PRMT8: variants seen among roughly 807,000 people sequenced by gnomAD.
PRMT8 encodes the protein protein arginine methyltransferase 8, also known as protein arginine N-methyltransferase 8.
Under a neutral mutation model 47.1 loss-of-function variants are expected in PRMT8, and 7 were observed. The observed-to-expected ratio is 0.15, with a 90% CI of 0.08 to 0.28. The LOEUF (loss-of-function observed/expected upper bound fraction) is 0.28. Ranked by LOEUF, PRMT8 falls within the 10% of genes least tolerant of loss-of-function variation. PRMT8 has a pLI of 1.00. For synonymous variants in PRMT8, 188 were observed against 186.5 expected (o/e 1.01, Z -0.07); for missense variants, 237 against 505.4 (o/e 0.47, Z 5.09).
intron 4 of PRMT8, 78 bp downstream of exon 4, chr12:3,553,792 G>A (rs79787813): frequency 2.5e-5 from 34 of 1,356,218 alleles, no homozygotes; most frequent in African/African-American, 7.2e-5. Flanking sequence ...ATGGCATAGC[G>A]GGAGGAGCGC....
chr12:3,499,070 T>C (rs193103551), intron 1 of PRMT8, among the ~76,000 whole-genome samples: 28 of 152,274 alleles, frequency 1.8e-4, no homozygotes, highest in East Asian at 1.7e-3. Flanking sequence ...CGTCTTCTTA[T>C]AAGGACAACA....
rs1830826358 is a variant in PRMT8, at chr12:3,456,795, T to G, written c.48+75353T>G. ...CTAAGATTGAACAAGAAAAAAAAAATGTCACCAAACAAAGAGAATCGAACC... is the reference window on the plus strand; with the variant it reads ...CTAAGATTGAACAAGAAAAAAAAAAGGTCACCAAACAAAGAGAATCGAACC... On this transcript the variant is annotated intron_variant, in intron 1 of 9. Coordinates refer to the PRMT8 transcript ENST00000452611. This position sits in a 1 kb window ranked among gnomAD's most constrained non-coding sequence, Gnocchi z 4.2. Among the ~76,000 whole-genome samples, 1 of 151,284 alleles carries G rather than the reference T, an allele frequency of 6.6e-6. No homozygotes were observed. Among genetic ancestry groups the G allele is most frequent in the South Asian group, 2.1e-4 (1 of 4,798 alleles).
At chr12:3,422,247 C>G (rs1271818098) in intron 1 of PRMT8, among the ~76,000 whole-genome samples, 1 of 152,214 alleles carries the variant, frequency 6.6e-6, no homozygotes, top group Non-Finnish European at 1.5e-5. Context: ...CTCCACCTGC[C>G]AACCTTCGTG....
intron 4 of PRMT8, among the ~76,000 whole-genome samples, chr12:3,568,037 A>G (rs1394458103): frequency 1.3e-5 from 2 of 150,744 alleles, no homozygotes; most frequent in Admixed American, 1.3e-4. Flanking sequence ...ACGCCACTGC[A>G]CTCCAGCCTG....
At chr12:3,589,060 C>T (rs1867241775) in intron 8 of PRMT8, among the ~76,000 whole-genome samples, 2 of 152,170 alleles carry the variant, frequency 1.3e-5, no homozygotes, top group African/African-American at 2.4e-5. Flanking sequence ...AGTTGATGGA[C>T]TAATAAAATC....
In PRMT8 at chr12:3,569,871, G is replaced by T. The variant is rs1866814231; in HGVS notation, c.712+307G>T. Among the ~76,000 whole-genome samples, 1 of 152,340 alleles carries T rather than the reference G, an allele frequency of 6.6e-6. No homozygotes were observed. The highest frequency in any genetic ancestry group is 2.1e-4 in the South Asian group (1 of 4,826). On this transcript the variant is annotated intron_variant, in intron 6 of 9. Transcript: ENST00000382622. The surrounding 1 kb of genome is among the most constrained non-coding windows in gnomAD (Gnocchi z 8.2). ...AGAAGCTGAGTTTTTGCAGAGATCA[G>T]CAGGGCAAGTGGCTTGAAACCTGTC...
At position 3,593,036 on chromosome 12, in the gene PRMT8, A is replaced by T; in HGVS notation, c.1102-63A>T. 7.7e-7 allele frequency: 1 copy of T among 1,302,526 alleles called. No individual in the cohort carries two copies. Among genetic ancestry groups the T allele is most frequent in the Non-Finnish European group, 1.1e-6 (1 of 900,900 alleles). The allele number at this position is 1,302,526 out of a possible 1,614,324, so 80.7% of individuals were successfully genotyped here. ...GTTCCAGGAGCAGGTGGTGCCAGAG[A>T]GTGGGGCTGTGGCTTCATACCCAGA... On this transcript the variant is annotated intron_variant, in intron 9 of 9. Coordinates refer to ENST00000382622, the MANE Select transcript of PRMT8 (RefSeq NM_019854.5). This position sits in a 1 kb window ranked among gnomAD's most constrained non-coding sequence, Gnocchi z 4.8.
chr12:3,555,538 C>A (rs10774156), intron 4 of PRMT8, among the ~76,000 whole-genome samples: 42,171 of 152,056 alleles, frequency 0.28, 6,065 homozygotes, highest in East Asian at 0.46. Context: ...GGATTTGTAA[C>A]CAGGAAAACA....
rs73252588 is a variant in PRMT8, at chr12:3,386,168, A to G, written c.48+4726A>G. On this transcript the variant is annotated intron_variant, in intron 1 of 9. Transcript: ENST00000452611. ...ATGGGACCCTCTTGTCCATGGCGAT[A>G]TCTTACTGTCTTTGTGTCTTTGGGC... is the stretch of plus-strand genomic sequence containing the variant. Among the ~76,000 whole-genome samples, 706 of 152,346 alleles carry G rather than the reference A, an allele frequency of 4.6e-3. 1 individual carries two copies. Among genetic ancestry groups the G allele is most frequent in the African/African-American group, 0.016 (659 of 41,580 alleles).
At chr12:3,553,429 A>G (rs2137181170) in intron 3 of PRMT8, 3 of 600,172 alleles carry the variant, frequency 5.0e-6, no homozygotes, top group Non-Finnish European at 8.9e-6. Flanking sequence ...GGTGGTGACT[A>G]GACATCAGTC....
chr12:3,575,207 A>G (rs1448544021), intron 6 of PRMT8, among the ~76,000 whole-genome samples: 1 of 152,194 alleles, frequency 6.6e-6, no homozygotes, highest in Admixed American at 6.5e-5. Context: ...CTTATAAAAG[A>G]ATCAGAGTCA....
chr12:3,452,544 TG>T (rs1040779327), intron 1 of PRMT8, among the ~76,000 whole-genome samples: 2 of 152,212 alleles, frequency 1.3e-5, no homozygotes, highest in African/African-American at 4.8e-5. Flanking sequence ...GGGCAGAACC[TG>T]GGTTAGGTGG....
intron 7 of PRMT8, among the ~76,000 whole-genome samples, chr12:3,582,633 G>A (rs2137228101): frequency 6.6e-6 from 1 of 152,230 alleles, no homozygotes; most frequent in African/African-American, 2.4e-5. Flanking sequence ...TTGCCCCCAG[G>A]TACTGTTGAT....
At chr12:3,386,211 T>G (rs1326613655) in intron 1 of PRMT8, among the ~76,000 whole-genome samples, 1 of 152,238 alleles carries the variant, frequency 6.6e-6, no homozygotes, top group Non-Finnish European at 1.5e-5. Context: ...TCCTGCAGCA[T>G]GGTGTATGCT....
intron 1 of PRMT8, among the ~76,000 whole-genome samples, chr12:3,460,249 C>T (rs762935201): frequency 1.3e-5 from 2 of 152,202 alleles, no homozygotes; most frequent in Non-Finnish European, 2.9e-5. Context: ...ACCACAGGCC[C>T]CCAGCAATCT....
intron 1 of PRMT8, among the ~76,000 whole-genome samples, chr12:3,406,819 C>G (rs1182355618): frequency 6.6e-6 from 1 of 152,210 alleles, no homozygotes; most frequent in Admixed American, 6.5e-5. Flanking sequence ...TCCAAACTTT[C>G]CCACATTTTC....
intron 1 of PRMT8, among the ~76,000 whole-genome samples, chr12:3,399,639 C>A (rs2137050233): frequency 6.6e-6 from 1 of 152,276 alleles, no homozygotes; most frequent in African/African-American, 2.4e-5. Flanking sequence ...ATTGTGCTCT[C>A]CCTCACAGTG....
At chr12:3,403,052 C>T (rs934698989) in intron 1 of PRMT8, among the ~76,000 whole-genome samples, 3 of 152,102 alleles carry the variant, frequency 2.0e-5, no homozygotes, top group African/African-American at 7.2e-5. Context: ...CTAAAAGTGA[C>T]ATGGAATCCA....
intron 6 of PRMT8, chr12:3,574,176 T>TG (rs1866898489): frequency 6.6e-6 from 1 of 152,206 alleles, no homozygotes; most frequent in Non-Finnish European, 1.5e-5. Flanking sequence ...GCCTATTCTG[T>TG]GCTAAATGCT....
Sources: allele counts gnomAD v4.1 joint callset (sites outside exome capture counted in the v4.1 genomes callset), GRCh38; gene constraint gnomAD v4.1.1; non-coding constraint Gnocchi (gnomAD v3.1); transcripts MANE v1.5; gene names NCBI Gene and HGNC (gene_info 2026-07-23, HGNC 2026-07-21).